WDR27: variants seen among roughly 807,000 people sequenced by gnomAD.
The protein encoded by WDR27 is WD repeat-containing protein 27.
Under a neutral mutation model 114.4 loss-of-function variants are expected in WDR27, and 100 were observed. That is an observed-to-expected ratio of 0.87 (90% CI 0.74 to 1.03). WDR27 has a LOEUF of 1.03. Ranked by LOEUF, WDR27 falls within the 50% of genes least tolerant of loss-of-function variation. WDR27 has a pLI of 0.00. For synonymous variants in WDR27, 449 were observed against 423.1 expected (o/e 1.06, Z -0.75); for missense variants, 1,129 against 1,092.9 (o/e 1.03, Z -0.47).
At chr6:169,505,482 A>C (rs1367849772) in intron 25 of WDR27, among the ~76,000 whole-genome samples, 1 of 57,614 alleles carries the variant, frequency 1.7e-5, no homozygotes, top group East Asian at 2.0e-4. Context: ...ATACTTAGGG[A>C]AACAGGGACT....
chr6:169,691,801 G>T (rs1200957541), intron 1 of WDR27, among the ~76,000 whole-genome samples: 1 of 152,190 alleles, frequency 6.6e-6, no homozygotes, highest in Non-Finnish European at 1.5e-5. Context: ...TGAGTACATA[G>T]ATTATCATTA....
chr6:169,495,250 G>A (rs1220173742), intron 25 of WDR27, among the ~76,000 whole-genome samples: 2 of 151,974 alleles, frequency 1.3e-5, no homozygotes, highest in African/African-American at 4.8e-5. Flanking sequence ...AAGCTATAAG[G>A]TTAGTATTTC....
chr6:169,665,270 T>C, intron 7 of WDR27: 1 of 1,331,556 alleles, frequency 7.5e-7, no homozygotes, highest in South Asian at 2.0e-5. Flanking sequence ...CTCTGGGACA[T>C]GCAGACCCAG....
chr6:169,525,535 C>G (rs865861185), intron 25 of WDR27, among the ~76,000 whole-genome samples: 1 of 96,984 alleles, frequency 1.0e-5, no homozygotes, highest in Non-Finnish European at 2.2e-5. Context: ...GACTCCATCT[C>G]AAAAAAAAAA....
At chr6:169,432,165 C>T in the WDR27 span, among the ~76,000 whole-genome samples, 1 of 152,158 alleles carries the variant, frequency 6.6e-6, no homozygotes, top group African/African-American at 2.4e-5. Context: ...GAGAAAATTG[C>T]CATGTAGAAG....
Position 169,701,972 on chromosome 6 carries a change from C to T in WDR27, c.-429G>A. The T allele has an allele frequency of 2.5e-6, 1 of 393,610 alleles. No individual in the cohort carries two copies. Among genetic ancestry groups the T allele is most frequent in the South Asian group, 1.8e-5 (1 of 54,682 alleles). 24.4% of individuals were successfully genotyped at this position (393,610 alleles called of 1,614,324 possible). A position where few individuals can be genotyped will look rare whatever the true frequency, so the allele number is the denominator to read the frequency against. ...CGCAGAGGACTACCGAGCCACACTC[C>T]GCCCCACGCTCGCCGCTATGGTTAC... On this transcript the variant is annotated 5_prime_UTR_variant, in exon 1 of 26. Coordinates refer to ENST00000448612, the MANE Select transcript of WDR27 (RefSeq NM_182552.5).
In WDR27 at chr6:169,661,295, G is replaced by A. The variant is rs377690450; in HGVS notation, c.1026-529C>T. Among the ~76,000 whole-genome samples the A allele has an allele frequency of 3.9e-5, 6 of 152,188 alleles. No homozygotes were observed. The East Asian group carries it at 5.8e-4, about 15-fold the overall frequency. ...AGCCTCCGAGTGACTAGACTTGAAG[G>A]CCACACAAGCTGCCCACCTCTGTGA... On this transcript the variant is annotated intron_variant, in intron 9 of 25. Transcript: ENST00000448612.
At chr6:169,682,543 C>T (rs1781811199) in intron 2 of WDR27, among the ~76,000 whole-genome samples, 1 of 152,222 alleles carries the variant, frequency 6.6e-6, no homozygotes, top group South Asian at 2.1e-4. Context: ...TGGTCATGGG[C>T]TCAGGGAACT....
At chr6:169,616,629 G>A (rs1562707214) in intron 21 of WDR27, among the ~76,000 whole-genome samples, 1 of 152,066 alleles carries the variant, frequency 6.6e-6, no homozygotes, top group Admixed American at 6.6e-5. Flanking sequence ...ATTAACAAGG[G>A]TGAGTCAATG....
intron 25 of WDR27, among the ~76,000 whole-genome samples, chr6:169,539,120 T>C (rs1248491384): frequency 6.6e-6 from 1 of 152,242 alleles, no homozygotes; most frequent in African/African-American, 2.4e-5. Flanking sequence ...ATGGTTTACA[T>C]GCCTTCCATT....
intron 25 of WDR27, among the ~76,000 whole-genome samples, chr6:169,525,429 G>A (rs1011129358): frequency 2.6e-5 from 4 of 151,582 alleles, no homozygotes; most frequent in African/African-American, 9.7e-5. Context: ...CCAGCTACTC[G>A]GGAGGCTGAG....
intron 25 of WDR27, among the ~76,000 whole-genome samples, chr6:169,530,614 G>A (rs1328874987): frequency 2.6e-5 from 4 of 152,134 alleles, no homozygotes; most frequent in African/African-American, 4.8e-5. Flanking sequence ...GCTCACCCAC[G>A]TTACATAGGA....
intron 25 of WDR27, among the ~76,000 whole-genome samples, chr6:169,549,448 T>C (rs1270764376): frequency 2.0e-5 from 3 of 152,218 alleles, no homozygotes; most frequent in African/African-American, 7.2e-5. Flanking sequence ...TGCAGCCTTT[T>C]TGGAAGACAA....
chr6:169,635,620 G>A (rs555990462), intron 19 of WDR27, among the ~76,000 whole-genome samples: 5 of 152,350 alleles, frequency 3.3e-5, no homozygotes, highest in African/African-American at 9.6e-5. Flanking sequence ...AGATGCGATC[G>A]GATGGAAGCC....
At chr6:169,652,774 T>C (rs756224534) in intron 13 of WDR27, among the ~76,000 whole-genome samples, 1 of 152,262 alleles carries the variant, frequency 6.6e-6, no homozygotes, top group Non-Finnish European at 1.5e-5. Context: ...AAAAGTTATC[T>C]CTGTATTAAA....
At chr6:169,493,576 C>T (rs1160598559) in intron 25 of WDR27, among the ~76,000 whole-genome samples, 32 of 152,012 alleles carry the variant, frequency 2.1e-4, no homozygotes, top group Non-Finnish European at 4.4e-5. Flanking sequence ...ATGTAACCAC[C>T]AGTAACCAAT....
At chr6:169,672,754 G>A (rs1320111292) in intron 2 of WDR27, among the ~76,000 whole-genome samples, 1 of 152,182 alleles carries the variant, frequency 6.6e-6, no homozygotes, top group Non-Finnish European at 1.5e-5. Context: ...GGGGAGCAAT[G>A]AGGTCCCTGG....
At chr6:169,699,185 G>T (rs1434353729) in intron 1 of WDR27, among the ~76,000 whole-genome samples, 1 of 152,162 alleles carries the variant, frequency 6.6e-6, no homozygotes, top group African/African-American at 2.4e-5. Context: ...AGAACTGGCT[G>T]GTGTGCAAGC....
chr6:169,677,464 C>T (rs987299428), intron 2 of WDR27, among the ~76,000 whole-genome samples: 1 of 152,130 alleles, frequency 6.6e-6, no homozygotes, highest in African/African-American at 2.4e-5. Context: ...TAAATGGGAG[C>T]AAAGAAATGC....
Sources: allele counts gnomAD v4.1 joint callset (sites outside exome capture counted in the v4.1 genomes callset), GRCh38; gene constraint gnomAD v4.1.1; transcripts MANE v1.5; gene names NCBI Gene and HGNC (gene_info 2026-07-23, HGNC 2026-07-21).